The following SELE variants were observed in gnomAD, a reference collection of about 807,000 sequenced individuals.
The protein encoded by SELE is selectin E.
SELE carries 52 observed loss-of-function variants against 75.8 expected under a neutral mutation model. The ratio of observed to expected loss-of-function variants is 0.69; its 90% confidence interval spans 0.55 to 0.86. The LOEUF is 0.86. Among genes scored for constraint, SELE ranks in the 40% least tolerant of loss-of-function variants. The pLI, the probability that SELE is intolerant of heterozygous loss-of-function variation, is 0.00. For synonymous variants in SELE, 285 were observed against 258.7 expected (o/e 1.10, Z -0.98); for missense variants, 754 against 732.7 (o/e 1.03, Z -0.34).
rs753927991 is a variant in SELE at position 169,727,302 on chromosome 1, C to G, written c.1645+47G>C. The G allele has an allele frequency of 1.3e-5, 21 of 1,570,818 alleles. No homozygotes were observed. In the African/African-American group the frequency reaches 2.4e-4, roughly 18 times the overall value. On this transcript the variant is annotated intron_variant, in intron 10 of 13. Coordinates refer to ENST00000333360, the MANE Select transcript of SELE (RefSeq NM_000450.2). ...GATTACTGTAACAAGATAGCTCCCCCTTTTTCTTTTTAATCACCAGACAAC... is the reference window on the plus strand; with the variant it reads ...GATTACTGTAACAAGATAGCTCCCCGTTTTTCTTTTTAATCACCAGACAAC...
chr1:169,732,166 T>G (rs1648927015), intron 3 of SELE, among the ~76,000 whole-genome samples: 1 of 152,022 alleles, frequency 6.6e-6, no homozygotes, highest in African/African-American at 2.4e-5. Context: ...CGTAGAAAAT[T>G]TACTTCTTCA....
At chr1:169,727,127 C>G (rs1476445999) in intron 10 of SELE, among the ~76,000 whole-genome samples, 1 of 152,100 alleles carries the variant, frequency 6.6e-6, no homozygotes, top group Non-Finnish European at 1.5e-5. Flanking sequence ...CCCCTTTCTC[C>G]TCTCCTCTCT....
chr1:169,727,712 C>T (rs1314612267), intron 9 of SELE, 27 bp downstream of exon 9: 15 of 1,607,154 alleles, frequency 9.3e-6, no homozygotes, highest in African/African-American at 1.3e-5. Context: ...TGACCTGTAC[C>T]CTAAAAAAGT....
chr1:169,730,226 C>A (rs373646995), intron 5 of SELE, among the ~76,000 whole-genome samples: 1 of 151,978 alleles, frequency 6.6e-6, no homozygotes, highest in Non-Finnish European at 1.5e-5. Context: ...CAGAAACACC[C>A]ATTTCAAGCA....
intron 11 of SELE, 68 bp downstream of exon 11, chr1:169,726,631 T>C (rs1048301581): frequency 6.6e-6 from 7 of 1,065,546 alleles, no homozygotes; most frequent in Admixed American, 5.9e-5. Flanking sequence ...AGCAAGACCA[T>C]GACTTATCAA....
At chr1:169,732,312 CAT>C (rs1043361585) in intron 3 of SELE, among the ~76,000 whole-genome samples, 5 of 147,406 alleles carry the variant, frequency 3.4e-5, no homozygotes, top group East Asian at 2.0e-4. Flanking sequence ...TACATACACA[CAT>C]ATATGTGTGT....
intron 13 of SELE, 143 bp downstream of exon 13, chr1:169,725,586 G>A (rs557823592): frequency 4.0e-5 from 25 of 623,966 alleles, no homozygotes; most frequent in South Asian, 1.5e-4. Flanking sequence ...AAAAAATAAA[G>A]CAACTTTCCA....
In SELE at chr1:169,730,479, T is replaced by A. The variant is rs1558014895; in HGVS notation, c.668A>T (p.Gln223Leu). ...GYLPSSMETM[Q>L]CMSSGEWSAP... ...ACTCCATTCTCCAGAGGACATACAC[T>A]GCATGGTCTCCATGCTGCTTGGCAG... Residue 223 changes from glutamine (Q) to leucine (L), a missense_variant, in exon 5 of 14, where the codon CAG becomes CTG. Coordinates refer to ENST00000333360, the MANE Select transcript of SELE (RefSeq NM_000450.2). 6.2e-7 allele frequency: 1 copy of A among 1,614,060 alleles called. No homozygotes were observed. The highest frequency in any genetic ancestry group is 1.7e-5 in the Admixed American group (1 of 60,016).
chr1:169,731,131 G>T (rs528287444), intron 4 of SELE, among the ~76,000 whole-genome samples: 2 of 152,030 alleles, frequency 1.3e-5, no homozygotes, highest in South Asian at 4.2e-4. Flanking sequence ...ACTTGAATTC[G>T]TTGAAATCAA....
chr1:169,727,994 C>T, intron 8 of SELE, 64 bp downstream of exon 8: 1 of 1,585,990 alleles, frequency 6.3e-7, no homozygotes, highest in South Asian at 1.2e-5. Flanking sequence ...CCCAAGGTAA[C>T]CAAGTTCCCA....
intron 5 of SELE, among the ~76,000 whole-genome samples, chr1:169,729,909 A>G (rs1571145793): frequency 6.6e-6 from 1 of 152,012 alleles, no homozygotes; most frequent in Non-Finnish European, 1.5e-5. Flanking sequence ...CTATGTTATC[A>G]TTTACGTGAG....
chr1:169,729,892 C>T (rs890561141), intron 5 of SELE, among the ~76,000 whole-genome samples: 1 of 152,080 alleles, frequency 6.6e-6, no homozygotes, highest in Non-Finnish European at 1.5e-5. Flanking sequence ...GCTGAGTGGT[C>T]TCTAATCTAT....
chr1:169,730,964 A>G (rs907567492), intron 4 of SELE, among the ~76,000 whole-genome samples: 1 of 152,222 alleles, frequency 6.6e-6, no homozygotes, highest in Non-Finnish European at 1.5e-5. Flanking sequence ...TTTTCTCACA[A>G]CTGCTAAAAA....
In SELE at chr1:169,724,199, G is replaced by A. The variant is rs1648689304; in HGVS notation, c.*326C>T. On this transcript the variant is annotated 3_prime_UTR_variant, in exon 14 of 14. Coordinates refer to ENST00000333360, the MANE Select transcript of SELE (RefSeq NM_000450.2). The stretch of plus-strand genomic sequence containing the variant: ...TGTGCCAAGATTTTACAGCGAGCAA[G>A]GGAGAGTTAGAAAAGGAATTCTGAG... 6.6e-6 allele frequency: 1 copy of A among 152,224 alleles called. No homozygotes were observed. The allele number at this position is 152,224 out of a possible 1,614,324, so 9.4% of individuals were successfully genotyped here.
In SELE at chr1:169,733,397, G is replaced by C. The variant is rs74121789; in HGVS notation, c.37+179C>G. Among the ~76,000 whole-genome samples, 485 of 152,280 alleles carry C rather than the reference G, an allele frequency of 3.2e-3. 3 individuals are homozygous for C. Among genetic ancestry groups the C allele is most frequent in the African/African-American group, 0.011 (473 of 41,564 alleles). On this transcript the variant is annotated intron_variant, in intron 2 of 13. Transcript: ENST00000333360. ...GATCCACACTTTACACTTAAGGAAA[G>C]GGAGACACCAAGAGGTAAAGTAAAT...
At position 169,728,117 on chromosome 1, in the gene SELE, G is replaced by A. The variant is rs766089621; in HGVS notation, c.1220C>T (p.Ser407Phe). 6.2e-7 allele frequency: 1 copy of A among 1,614,136 alleles called. No homozygotes were observed. Among genetic ancestry groups the A allele is most frequent in the Non-Finnish European group, 8.5e-7 (1 of 1,180,018 alleles). Residue 407 changes from serine to phenylalanine, a missense_variant, in exon 8 of 14, where the codon TCC becomes TTC. Coordinates refer to ENST00000333360, the MANE Select transcript of SELE (RefSeq NM_000450.2). Reference protein sequence around the residue: ...SCEQGFVLKGSKRLQCGPTGE... With the variant: ...SCEQGFVLKGFKRLQCGPTGE... ...TGTGGGGCCACATTGGAGCCTTTTG[G>A]ATCCCTTCAACACAAAACCCTGCTC...
chr1:169,726,332 A>T (rs965134043), intron 11 of SELE, among the ~76,000 whole-genome samples: 4 of 152,224 alleles, frequency 2.6e-5, no homozygotes, highest in African/African-American at 4.8e-5. Context: ...CATATTCCTT[A>T]TGAGAGACTC....
intron 7 of SELE, among the ~76,000 whole-genome samples, 178 bp downstream of exon 7, chr1:169,729,008 A>G (rs1558014111): frequency 2.6e-5 from 4 of 152,202 alleles, no homozygotes; most frequent in Admixed American, 2.0e-4. Context: ...CATTCTTAAC[A>G]CATATGATCC....
chr1:169,733,368 T>C (rs78121884), intron 2 of SELE, among the ~76,000 whole-genome samples: 4,519 of 130,100 alleles, frequency 0.035, 104 homozygotes, highest in South Asian at 0.12. Context: ...AAATAGGTCA[T>C]TATGATCCAC....
Sources: allele counts gnomAD v4.1 joint callset (sites outside exome capture counted in the v4.1 genomes callset), GRCh38; gene constraint gnomAD v4.1.1; transcripts MANE v1.5; gene names NCBI Gene and HGNC (gene_info 2026-07-23, HGNC 2026-07-21).